Variants in GLIS1 observed in about 807,000 individuals in gnomAD.
GLIS1 encodes the protein GLIS family zinc finger 1.
Under a neutral mutation model 63.8 loss-of-function variants are expected in GLIS1, and 24 were observed. The observed-to-expected ratio is 0.38, with a 90% CI of 0.27 to 0.53. The LOEUF is 0.53. GLIS1 is among the 20% of genes least tolerant of loss of function. The pLI, the probability that GLIS1 is intolerant of heterozygous loss-of-function variation, is 0.85. For missense variants in GLIS1, 1,036 were observed against 1,074.1 expected, an observed-to-expected ratio of 0.96 and a Z score of 0.50; for synonymous variants, 450 against 482.5, an observed-to-expected ratio of 0.93 and a Z score of 0.88.
intron 4 of GLIS1, among the ~76,000 whole-genome samples, chr1:53,555,302 G>A (rs943688575): frequency 4.6e-5 from 7 of 152,138 alleles, no homozygotes; most frequent in African/African-American, 1.4e-4. Context: ...AGGCCGAGGC[G>A]GGCGGATCAC....
intron 2 of GLIS1, among the ~76,000 whole-genome samples, chr1:53,600,860 G>A (rs1342418389): frequency 2.0e-5 from 3 of 152,198 alleles, no homozygotes; most frequent in African/African-American, 4.8e-5. Context: ...ATTATACCTC[G>A]CTATTGCCTG....
intron 2 of GLIS1, among the ~76,000 whole-genome samples, chr1:53,636,783 A>G (rs1229752068): frequency 6.6e-6 from 1 of 152,174 alleles, no homozygotes; most frequent in Non-Finnish European, 1.5e-5. Flanking sequence ...CTGGGAGCCC[A>G]TGCACTCACC....
At chr1:53,551,164 TC>T (rs1213430427) in intron 4 of GLIS1, among the ~76,000 whole-genome samples, 2 of 152,020 alleles carry the variant, frequency 1.3e-5, no homozygotes, top group Non-Finnish European at 2.9e-5. Flanking sequence ...TTTTAAAGGA[TC>T]CCCCGTGTTG....
intron 4 of GLIS1, among the ~76,000 whole-genome samples, chr1:53,550,999 C>T (rs901835644): frequency 3.3e-5 from 5 of 152,020 alleles, no homozygotes; most frequent in South Asian, 2.1e-4. Context: ...TACAGGCGCC[C>T]GCCAACACAC....
intron 2 of GLIS1, among the ~76,000 whole-genome samples, chr1:53,656,574 A>T (rs1645967716): frequency 6.6e-6 from 1 of 152,256 alleles, no homozygotes; most frequent in Non-Finnish European, 1.5e-5. Flanking sequence ...TGAAGAACAC[A>T]TCTTATAGAC....
intron 2 of GLIS1, among the ~76,000 whole-genome samples, chr1:53,615,263 A>G (rs985751500): frequency 6.6e-6 from 1 of 152,218 alleles, no homozygotes; most frequent in South Asian, 2.1e-4. Context: ...AGGTGCATCC[A>G]CATGAGATAA....
chr1:53,704,698 G>T (rs1362507122), intron 2 of GLIS1, among the ~76,000 whole-genome samples: 1 of 152,230 alleles, frequency 6.6e-6, no homozygotes, highest in Non-Finnish European at 1.5e-5. Context: ...AGGACAGCCT[G>T]GCCATCAGCG....
chr1:53,709,905 G>T (rs1646628563), intron 2 of GLIS1, among the ~76,000 whole-genome samples: 1 of 152,296 alleles, frequency 6.6e-6, no homozygotes, highest in Middle Eastern at 3.4e-3. Context: ...TTGGGAGACT[G>T]GTGGAGGGAC....
At chr1:53,597,060 G>A (rs1174464200) in intron 3 of GLIS1, among the ~76,000 whole-genome samples, 1 of 151,676 alleles carries the variant, frequency 6.6e-6, no homozygotes. Context: ...TAGAGTTCTG[G>A]TGAACAGAAC....
chr1:53,586,643 C>T (rs1645138467), intron 4 of GLIS1, among the ~76,000 whole-genome samples: 1 of 152,206 alleles, frequency 6.6e-6, no homozygotes, highest in African/African-American at 2.4e-5. Flanking sequence ...TTATAGAAGT[C>T]AAGCTATACT....
intron 2 of GLIS1, among the ~76,000 whole-genome samples, chr1:53,614,796 A>ACACT (rs34805803): frequency 0.22 from 33,074 of 151,388 alleles, 3,712 homozygotes; most frequent in East Asian, 0.4. Flanking sequence ...TCACACGCAC[A>ACACT]CACACGCACA....
intron 4 of GLIS1, among the ~76,000 whole-genome samples, chr1:53,567,815 C>T (rs563004146): frequency 6.6e-6 from 1 of 152,236 alleles, no homozygotes; most frequent in Non-Finnish European, 1.5e-5. Flanking sequence ...CCTGCAGGTG[C>T]ACAGAAAACA....
intron 4 of GLIS1, among the ~76,000 whole-genome samples, chr1:53,535,769 C>A (rs1444588052): frequency 1.3e-5 from 2 of 152,078 alleles, no homozygotes; most frequent in Non-Finnish European, 2.9e-5. Context: ...CCCATTTCCA[C>A]GAGCTATCTG....
intron 4 of GLIS1, among the ~76,000 whole-genome samples, chr1:53,563,685 T>C (rs1644911480): frequency 6.6e-6 from 1 of 152,100 alleles, no homozygotes; most frequent in Non-Finnish European, 1.5e-5. Context: ...TCTGAAGAGA[T>C]AACAGCTTGG....
chr1:53,545,477 C>G (rs1644688311), intron 4 of GLIS1, among the ~76,000 whole-genome samples: 1 of 152,184 alleles, frequency 6.6e-6, no homozygotes, highest in Non-Finnish European at 1.5e-5. Flanking sequence ...TGTTCATAGC[C>G]AGACACCCAA....
At chr1:53,709,316 CTGT>C (rs1646614023) in intron 2 of GLIS1, among the ~76,000 whole-genome samples, 1 of 76,840 alleles carries the variant, frequency 1.3e-5, no homozygotes, top group East Asian at 4.0e-4. Context: ...TATATATTTA[CTGT>C]ATAAATATAC....
intron 2 of GLIS1, among the ~76,000 whole-genome samples, chr1:53,617,982 C>G (rs558545514): frequency 6.6e-6 from 1 of 152,330 alleles, no homozygotes; most frequent in South Asian, 2.1e-4. Flanking sequence ...GAGGGACCCA[C>G]AAGAAGGCAA....
chr1:53,601,944 C>T (rs977556694), intron 2 of GLIS1, among the ~76,000 whole-genome samples: 1 of 152,218 alleles, frequency 6.6e-6, no homozygotes, highest in Non-Finnish European at 1.5e-5. Flanking sequence ...GAGCACGTTC[C>T]AGTCTGTGGA....
rs139712698 is a variant in GLIS1, at chr1:53,572,751, C to T, written c.1320+21357G>A. ...GGAACCTATTGGACACATATGAGCT[C>T]TGGGGACAGAAACATGCCTCTTTCT... On this transcript the variant is annotated intron_variant, in intron 4 of 10. Coordinates refer to ENST00000628545, the MANE Select transcript of GLIS1 (RefSeq NM_001367484.1). Among the ~76,000 whole-genome samples, 757 of 152,336 alleles carry T rather than the reference C, an allele frequency of 5.0e-3. 3 individuals carry two copies. The highest frequency in any genetic ancestry group is 8.0e-3 in the Non-Finnish European group (544 of 68,040).
Sources: gnomAD v4.1 joint callset for allele counts (sites outside exome capture counted in the v4.1 genomes callset) on GRCh38, gnomAD v4.1.1 for gene constraint, MANE v1.5 for transcripts, NCBI Gene and HGNC (gene_info 2026-07-23, HGNC 2026-07-21) for gene names.